The following DCC variants were observed in gnomAD, a reference collection of about 807,000 sequenced individuals.
The protein encoded by DCC is netrin receptor DCC.
A neutral mutation model predicts 172.5 loss-of-function variants in DCC; 58 were observed. The ratio of observed to expected loss-of-function variants is 0.34; its 90% CI spans 0.27 to 0.42. The LOEUF (loss-of-function observed/expected upper bound fraction) is 0.42, where lower values mean the gene tolerates loss of function less well. DCC is among the 10% of genes least tolerant of loss of function. DCC has a pLI of 1.00. For missense variants in DCC, 1,740 were observed against 1,791.0 expected (o/e 0.97, Z 0.51); for synonymous variants, 709 against 644.5 (o/e 1.10, Z -1.52).
intron 18 of DCC, 110 bp from the exon 19 acceptor site, chr18:53,402,676 T>G: frequency 5.0e-5 from 42 of 845,364 alleles, no homozygotes; most frequent in East Asian, 7.3e-5. Flanking sequence ...AAAATAGACA[T>G]GATATACTTC....
At chr18:52,593,479 A>G (rs564108619) in intron 1 of DCC, among the ~76,000 whole-genome samples, 5 of 152,198 alleles carry the variant, frequency 3.3e-5, no homozygotes, top group African/African-American at 4.8e-5. Context: ...TCATTTATCT[A>G]TTGTCTGTGA....
chr18:53,097,364 C>T (rs183526388), intron 7 of DCC, among the ~76,000 whole-genome samples: 118 of 152,240 alleles, frequency 7.8e-4, no homozygotes, highest in African/African-American at 2.7e-3. Flanking sequence ...CCTGTTGCCA[C>T]CTATATGGTT....
intron 1 of DCC, among the ~76,000 whole-genome samples, chr18:52,465,168 A>C (rs75482354): frequency 0.015 from 2,287 of 152,246 alleles, 45 homozygotes; most frequent in East Asian, 0.041. Context: ...CTAAGCTTTT[A>C]ATAACTTCAT....
chr18:53,142,866 C>A (rs937518896), intron 7 of DCC, among the ~76,000 whole-genome samples: 1 of 152,168 alleles, frequency 6.6e-6, no homozygotes, highest in Non-Finnish European at 1.5e-5. Flanking sequence ...GATGTCTTCC[C>A]AGACTCCTTT....
At chr18:53,501,802 G>C (rs1194796712) in intron 27 of DCC, among the ~76,000 whole-genome samples, 1 of 152,202 alleles carries the variant, frequency 6.6e-6, no homozygotes, top group African/African-American at 2.4e-5. Context: ...ATGCTCTGAA[G>C]TGCTACAATA....
chr18:53,421,678 G>A (rs1311137561), intron 21 of DCC, among the ~76,000 whole-genome samples: 1 of 152,182 alleles, frequency 6.6e-6, no homozygotes, highest in Non-Finnish European at 1.5e-5. Context: ...TCCTGCCACT[G>A]GGACCTCTTG....
intron 1 of DCC, among the ~76,000 whole-genome samples, chr18:52,422,649 C>A (rs966467445): frequency 6.6e-6 from 1 of 151,988 alleles, no homozygotes; most frequent in African/African-American, 2.4e-5. Context: ...CAGGATGACA[C>A]AAAAAGGTTC....
At chr18:52,748,701 A>G (rs2036947554) in intron 1 of DCC, among the ~76,000 whole-genome samples, 1 of 152,156 alleles carries the variant, frequency 6.6e-6, no homozygotes, top group Admixed American at 6.5e-5. Flanking sequence ...CCTGCATCCA[A>G]GAAGAATGAG....
intron 2 of DCC, among the ~76,000 whole-genome samples, chr18:52,875,521 TG>T (rs1257901019): frequency 6.6e-6 from 1 of 152,106 alleles, no homozygotes; most frequent in Non-Finnish European, 1.5e-5. Flanking sequence ...CGTAGAATGG[TG>T]GTCTCAAGTA....
chr18:52,830,170 G>A (rs1414002731), intron 2 of DCC, among the ~76,000 whole-genome samples: 2 of 152,194 alleles, frequency 1.3e-5, no homozygotes, highest in African/African-American at 2.4e-5. Context: ...AAGCCAAATA[G>A]TATAAAGCAA....
At chr18:52,964,442 A>G (rs1389767238) in intron 5 of DCC, among the ~76,000 whole-genome samples, 1 of 152,120 alleles carries the variant, frequency 6.6e-6, no homozygotes, top group Non-Finnish European at 1.5e-5. Context: ...CCTGAGAGAA[A>G]CTTTGTGATT....
At chr18:52,456,612 G>T (rs1025429843) in intron 1 of DCC, among the ~76,000 whole-genome samples, 1 of 152,128 alleles carries the variant, frequency 6.6e-6, no homozygotes, top group Non-Finnish European at 1.5e-5. Flanking sequence ...TAGGCCCAAT[G>T]TATGACATGA....
intron 3 of DCC, among the ~76,000 whole-genome samples, chr18:52,919,066 C>T (rs2040080541): frequency 6.6e-6 from 1 of 152,150 alleles, no homozygotes; most frequent in Non-Finnish European, 1.5e-5. Flanking sequence ...CACTCACATG[C>T]CCGACAGCTA....
intron 7 of DCC, among the ~76,000 whole-genome samples, chr18:53,110,635 A>G (rs550882700): frequency 1.3e-5 from 2 of 150,902 alleles, no homozygotes; most frequent in South Asian, 4.2e-4. Flanking sequence ...GCAGCCAAAA[A>G]ACACATGAAA....
intron 22 of DCC, among the ~76,000 whole-genome samples, chr18:53,448,802 G>A (rs2045369719): frequency 6.6e-6 from 1 of 152,112 alleles, no homozygotes; most frequent in Non-Finnish European, 1.5e-5. Context: ...GTCGTGAGCC[G>A]AGATCATGCC....
At chr18:52,835,769 G>A (rs1302451961) in intron 2 of DCC, among the ~76,000 whole-genome samples, 1 of 152,018 alleles carries the variant, frequency 6.6e-6, no homozygotes, top group African/African-American at 2.4e-5. Flanking sequence ...TGATTCAAAA[G>A]TAACATTTAT....
At chr18:52,690,145 A>G (rs539691039) in intron 1 of DCC, among the ~76,000 whole-genome samples, 3 of 152,278 alleles carry the variant, frequency 2.0e-5, no homozygotes, top group African/African-American at 7.2e-5. Context: ...GCTAAGCTGT[A>G]TTTAGATCCC....
intron 5 of DCC, among the ~76,000 whole-genome samples, chr18:52,945,291 G>A (rs1334937720): frequency 6.6e-6 from 1 of 152,022 alleles, no homozygotes; most frequent in Admixed American, 6.6e-5. Context: ...TTTATAGAAA[G>A]GTAAATGTGT....
chr18:52,667,177 A>C (rs777113499), intron 1 of DCC, among the ~76,000 whole-genome samples: 9 of 152,232 alleles, frequency 5.9e-5, no homozygotes, highest in South Asian at 4.1e-4. Flanking sequence ...AGATTTGAGA[A>C]AGCTCAGTTT....
Sources: gnomAD v4.1 joint callset for allele counts (sites outside exome capture counted in the v4.1 genomes callset) on GRCh38, gnomAD v4.1.1 for gene constraint, MANE v1.5 for transcripts, NCBI Gene and HGNC (gene_info 2026-07-23, HGNC 2026-07-21) for gene names.